Variants in MACROD1 observed in about 807,000 individuals in gnomAD.
The protein encoded by MACROD1 is ADP-ribose glycohydrolase MACROD1.
Under a neutral mutation model 41.4 loss-of-function variants are expected in MACROD1, and 31 were observed. The ratio of observed to expected loss-of-function variants is 0.75; its 90% CI spans 0.56 to 1.01. The LOEUF (loss-of-function observed/expected upper bound fraction) is 1.01. MACROD1 is among the 50% of genes least tolerant of loss of function. MACROD1 has a pLI of 0.00. For synonymous variants in MACROD1, 252 were observed against 203.4 expected, an observed-to-expected ratio of 1.24 and a Z score of -2.03; for missense variants, 473 against 460.0, an observed-to-expected ratio of 1.03 and a Z score of -0.26.
At chr11:64,117,470 T>A in intron 3 of MACROD1, 1 of 1,612,872 alleles carries the variant, frequency 6.2e-7, no homozygotes, top group South Asian at 1.1e-5. Context: ...ACCACGCCTC[T>A]GCCACCACGC....
rs959327354 is a variant in MACROD1 at position 64,067,800 on chromosome 11, G to A, written c.518-52519C>T. Among the ~76,000 whole-genome samples the A allele has an allele frequency of 2.0e-5, 3 of 152,138 alleles. No individual in the cohort carries two copies. Among genetic ancestry groups the A allele is most frequent in the Admixed American group, 6.5e-5 (1 of 15,274 alleles). On this transcript the variant is annotated intron_variant, in intron 3 of 10. Coordinates refer to ENST00000255681, the MANE Select transcript of MACROD1 (RefSeq NM_014067.4). This position sits in a 1 kb window ranked among gnomAD's most constrained non-coding sequence, Gnocchi z 4.6. ...TGTTTGTTTTCCCTGACTGAGGGGC[G>A]GCTGTGCCACCCCCACACTCCTGAA...
chr11:64,016,259 C>T (rs895538601), intron 3 of MACROD1, among the ~76,000 whole-genome samples: 1 of 152,220 alleles, frequency 6.6e-6, no homozygotes, highest in Non-Finnish European at 1.5e-5. Context: ...AGCACTGCCC[C>T]CAGCCTGGGC....
intron 3 of MACROD1, among the ~76,000 whole-genome samples, chr11:64,129,127 C>T (rs1254131369): frequency 6.6e-6 from 1 of 152,262 alleles, no homozygotes; most frequent in African/African-American, 2.4e-5. Context: ...CTGTGTTCCT[C>T]AGCCCCTGGA....
At chr11:64,118,603 T>C in intron 3 of MACROD1, 1 of 296,210 alleles carries the variant, frequency 3.4e-6, no homozygotes, top group East Asian at 6.3e-5. Flanking sequence ...GGTTTTTTTT[T>C]TTTCCCCCCT....
In MACROD1 at chr11:64,000,461, A is replaced by C. The variant is rs1351885241; in HGVS notation, c.548-118T>G. On this transcript the variant is annotated intron_variant, in intron 4 of 10. Coordinates refer to ENST00000255681, the MANE Select transcript of MACROD1 (RefSeq NM_014067.4). ...AGGACCCATGCGGAGCCGCGCCCCA[A>C]CCCCGTGGCCTCCGGCCGCGGCCGC... The C allele has an allele frequency of 3.1e-5, 18 of 585,222 alleles. 1 individual carries two copies. Among genetic ancestry groups the C allele is most frequent in the Non-Finnish European group, 4.9e-5 (18 of 366,736 alleles). 36.3% of individuals were successfully genotyped at this position (585,222 alleles called of 1,614,324 possible).
chr11:64,165,800 C>A lies in MACROD1; in HGVS notation c.195G>T (p.Gly65=), dbSNP rs1209179701. 1 of 1,483,128 alleles carries A rather than the reference C, an allele frequency of 6.7e-7. No individual in the cohort carries two copies. The highest frequency in any genetic ancestry group is 2.6e-5 in the Admixed American group (1 of 38,796). The allele number at this position is 1,483,128 out of a possible 1,614,324, so 91.9% of individuals were successfully genotyped here. Residue 65 remains glycine, a synonymous_variant, in exon 1 of 11, where the codon GGG becomes GGT. Transcript: ENST00000255681. ...ARTSAGVGAW[G]AAAVGRTAGV... ...CGGCTGTCCGCCCCACCGCCGCCGC[C>A]CCCCACGCCCCAACTCCCGCCGAGG...
chr11:64,101,441 C>T (rs929664287), intron 3 of MACROD1, among the ~76,000 whole-genome samples: 4 of 152,120 alleles, frequency 2.6e-5, no homozygotes, highest in African/African-American at 9.7e-5. Context: ...CTCTCTTTAT[C>T]GGGAGGCAGC....
chr11:64,053,058 C>T (rs995017665), intron 3 of MACROD1, among the ~76,000 whole-genome samples: 7 of 152,196 alleles, frequency 4.6e-5, no homozygotes, highest in African/African-American at 1.7e-4. Flanking sequence ...CTGCAGCCTC[C>T]GAATGTGGGG....
At chr11:64,121,028 G>A (rs563197414) in intron 3 of MACROD1, among the ~76,000 whole-genome samples, 9 of 152,314 alleles carry the variant, frequency 5.9e-5, no homozygotes, top group African/African-American at 9.6e-5. Context: ...CAGGTGGCCC[G>A]GACCGTGAGA....
intron 3 of MACROD1, among the ~76,000 whole-genome samples, chr11:64,136,650 G>T (rs1184943854): frequency 2.6e-5 from 4 of 152,230 alleles, no homozygotes; most frequent in African/African-American, 9.6e-5. Flanking sequence ...CCACCGGAGA[G>T]GGTCAGAGGG....
At chr11:64,150,919 TG>T (rs1945565583) in intron 3 of MACROD1, among the ~76,000 whole-genome samples, 1 of 152,148 alleles carries the variant, frequency 6.6e-6, no homozygotes, top group Non-Finnish European at 1.5e-5. Flanking sequence ...GGGGCTTCTG[TG>T]GCCCCCCAAG....
chr11:64,016,828 G>A (rs539671201), intron 3 of MACROD1, among the ~76,000 whole-genome samples: 43 of 152,334 alleles, frequency 2.8e-4, no homozygotes, highest in Admixed American at 7.2e-4. Flanking sequence ...AGCATGAGCC[G>A]AAGCCGGAGC....
chr11:64,074,177 T>C (rs1668985336), intron 3 of MACROD1, among the ~76,000 whole-genome samples: 1 of 152,216 alleles, frequency 6.6e-6, no homozygotes, highest in African/African-American at 2.4e-5. Flanking sequence ...GGTCTCCTTT[T>C]ATGATGGGGA....
intron 1 of MACROD1, among the ~76,000 whole-genome samples, chr11:64,153,932 C>T (rs560488613): frequency 7.9e-5 from 12 of 152,188 alleles, no homozygotes; most frequent in East Asian, 7.7e-4. Context: ...CCTCAACGCC[C>T]GCATTCCACG....
At chr11:64,117,157 A>G (rs1254000186) in intron 3 of MACROD1, 2 of 1,613,888 alleles carry the variant, frequency 1.2e-6, no homozygotes, top group Non-Finnish European at 1.7e-6. Context: ...CGTGAGCTGG[A>G]GCGGCTGGAC....
At chr11:64,029,681 T>C (rs1943268909) in intron 3 of MACROD1, among the ~76,000 whole-genome samples, 1 of 148,242 alleles carries the variant, frequency 6.7e-6, no homozygotes, top group African/African-American at 2.5e-5. Context: ...CCCATGCCCA[T>C]GAGCTGCTCG....
At chr11:64,024,039 C>T (rs1943194118) in intron 3 of MACROD1, among the ~76,000 whole-genome samples, 1 of 152,112 alleles carries the variant, frequency 6.6e-6, no homozygotes, top group Admixed American at 6.5e-5. Flanking sequence ...ACATGGAGGT[C>T]CCCCTCAACA....
intron 3 of MACROD1, chr11:64,087,095 C>T (rs1944408737): frequency 6.6e-6 from 1 of 152,168 alleles, no homozygotes; most frequent in African/African-American, 2.4e-5. Context: ...ATTAACATCC[C>T]CACTGGTAAA....
chr11:64,038,932 C>T (rs562016301), intron 3 of MACROD1, among the ~76,000 whole-genome samples: 1 of 152,176 alleles, frequency 6.6e-6, no homozygotes, highest in Non-Finnish European at 1.5e-5. Flanking sequence ...TGGGGAGGCA[C>T]CCACGTTGAG....
Sources: gnomAD v4.1 joint callset for allele counts (sites outside exome capture counted in the v4.1 genomes callset) on GRCh38, gnomAD v4.1.1 for gene constraint, Gnocchi (gnomAD v3.1) non-coding constraint, MANE v1.5 for transcripts, NCBI Gene and HGNC (gene_info 2026-07-23, HGNC 2026-07-21) for gene names.